The following SRBD1 variants were observed in gnomAD, a reference collection of about 807,000 sequenced individuals.
SRBD1 encodes S1 RNA binding domain 1, also known as S1 RNA-binding domain-containing protein 1.
A neutral mutation model predicts 115.3 loss-of-function variants in SRBD1; 88 were observed. That is an observed-to-expected ratio of 0.76 (90% CI 0.64 to 0.91). SRBD1 has a LOEUF of 0.91. Among genes scored for constraint, SRBD1 ranks in the 40% least tolerant of loss-of-function variants. The pLI is 0.00. For synonymous variants in SRBD1, 509 were observed against 407.7 expected (o/e 1.25, Z -2.99); for missense variants, 1,385 against 1,177.4 (o/e 1.18, Z -2.58).
At chr2:45,600,339 T>A (rs1312833320) in intron 3 of SRBD1, among the ~76,000 whole-genome samples, 1 of 152,202 alleles carries the variant, frequency 6.6e-6, no homozygotes, top group Non-Finnish European at 1.5e-5. Flanking sequence ...GTACATGGAA[T>A]TCTTCTATTA....
At chr2:45,432,015 T>TTATTTATG (rs1248946281) in intron 16 of SRBD1, among the ~76,000 whole-genome samples, 1 of 147,308 alleles carries the variant, frequency 6.8e-6, no homozygotes, top group East Asian at 1.9e-4. Context: ...ATTTATTTAT[T>TTATTTATG]TATTTATTTA....
At chr2:45,534,298 T>C (rs767354389) in intron 14 of SRBD1, among the ~76,000 whole-genome samples, 8 of 152,122 alleles carry the variant, frequency 5.3e-5, no homozygotes, top group Middle Eastern at 3.4e-3. Context: ...ATAAATTGTA[T>C]TGACTGTAAA....
Position 45,388,978 on chromosome 2 carries a change from G to T in SRBD1, c.*332C>A. On this transcript the variant is annotated 3_prime_UTR_variant, in exon 21 of 21. Coordinates refer to ENST00000263736, the MANE Select transcript of SRBD1 (RefSeq NM_018079.5). ...TACAAGTCCAGCAAGGCAGATGTTG[G>T]CAAGTAGAAGTTAAGCAATCTGTTA... The T allele has an allele frequency of 4.4e-6, 1 of 227,832 alleles. No homozygotes were observed. The highest frequency in any genetic ancestry group is 8.6e-6 in the Non-Finnish European group (1 of 115,836). The allele number at this position is 227,832 out of a possible 1,614,324, so 14.1% of individuals were successfully genotyped here.
intron 16 of SRBD1, among the ~76,000 whole-genome samples, chr2:45,445,342 A>T (rs1668788510): frequency 6.6e-6 from 1 of 152,006 alleles, no homozygotes; most frequent in African/African-American, 2.4e-5. Flanking sequence ...CTTTTTACCC[A>T]TTCATCTCTA....
intron 16 of SRBD1, among the ~76,000 whole-genome samples, chr2:45,469,489 CA>C (rs1186013421): frequency 5.3e-5 from 8 of 152,090 alleles, no homozygotes; most frequent in African/African-American, 1.7e-4. Flanking sequence ...AAAGGTTCTT[CA>C]AATCATGCTA....
At chr2:45,541,245 G>A (rs1671925442) in intron 14 of SRBD1, among the ~76,000 whole-genome samples, 1 of 152,224 alleles carries the variant, frequency 6.6e-6, no homozygotes, top group African/African-American at 2.4e-5. Context: ...ATCTGGACGA[G>A]GGGAACACAG....
chr2:45,424,447 T>C (rs1308534946), intron 16 of SRBD1, among the ~76,000 whole-genome samples: 2 of 152,148 alleles, frequency 1.3e-5, no homozygotes, highest in Admixed American at 6.5e-5. Flanking sequence ...CCATGTACTA[T>C]ATATGCTCAT....
chr2:45,451,212 T>C (rs1668982287), intron 16 of SRBD1, among the ~76,000 whole-genome samples: 1 of 152,108 alleles, frequency 6.6e-6, no homozygotes, highest in Non-Finnish European at 1.5e-5. Flanking sequence ...CTATTTTTTT[T>C]AATTGCACTT....
intron 16 of SRBD1, among the ~76,000 whole-genome samples, chr2:45,471,927 GA>G (rs1157536200): frequency 1.3e-5 from 2 of 152,156 alleles, no homozygotes; most frequent in East Asian, 3.9e-4. Flanking sequence ...CCTAATTCAT[GA>G]CATGGCTTTA....
chr2:45,570,511 T>C (rs1672973096), intron 9 of SRBD1, among the ~76,000 whole-genome samples: 1 of 152,202 alleles, frequency 6.6e-6, no homozygotes, highest in Admixed American at 6.5e-5. Context: ...GTGACATCAC[T>C]GAAAATTGTG....
chr2:45,541,601 C>G (rs1450625768), intron 14 of SRBD1, among the ~76,000 whole-genome samples: 1 of 152,210 alleles, frequency 6.6e-6, no homozygotes, highest in Non-Finnish European at 1.5e-5. Flanking sequence ...GCAGGTTGTC[C>G]CAATGAGTGT....
chr2:45,501,549 G>C (rs1047824943), intron 14 of SRBD1, among the ~76,000 whole-genome samples: 2 of 152,184 alleles, frequency 1.3e-5, no homozygotes, highest in African/African-American at 4.8e-5. Flanking sequence ...GCCAAGGGAA[G>C]CTGTGACAGA....
At chr2:45,403,999 C>T (rs974400189) in intron 19 of SRBD1, among the ~76,000 whole-genome samples, 3 of 152,134 alleles carry the variant, frequency 2.0e-5, no homozygotes, top group Middle Eastern at 6.8e-3. Context: ...AGGTGATTTA[C>T]GCCCTCCAGG....
intron 14 of SRBD1, among the ~76,000 whole-genome samples, chr2:45,532,748 C>G (rs1671651286): frequency 6.7e-6 from 1 of 149,002 alleles, no homozygotes; most frequent in Non-Finnish European, 1.5e-5. Context: ...GTTAGGAGAG[C>G]ATAATACAAA....
At chr2:45,414,697 T>C (rs111206720) in intron 18 of SRBD1, among the ~76,000 whole-genome samples, 20,608 of 120,884 alleles carry the variant, frequency 0.17, 2,411 homozygotes, top group African/African-American at 0.29. Flanking sequence ...CACACACACA[T>C]AGTGTGTATA....
chr2:45,605,450 A>C lies in SRBD1; in HGVS notation c.1-9T>G, dbSNP rs1419882613. On this transcript the variant is annotated splice_polypyrimidine_tract_variant and intron_variant, in intron 1 of 20. Coordinates refer to ENST00000263736, the MANE Select transcript of SRBD1 (RefSeq NM_018079.5). ...CTTGGCAATGATGACATCTAGAAGA[A>C]ACAGAAAATAAAATCAGCAACACTT... 6.2e-7 allele frequency: 1 copy of C among 1,612,314 alleles called. No homozygotes were observed. The highest frequency in any genetic ancestry group is 1.1e-5 in the South Asian group (1 of 90,940).
chr2:45,561,069 T>C (rs1358393414), intron 10 of SRBD1, among the ~76,000 whole-genome samples: 2 of 152,108 alleles, frequency 1.3e-5, no homozygotes, highest in Non-Finnish European at 2.9e-5. Context: ...ATAGCACCTG[T>C]GTGCTCCAGC....
At chr2:45,405,100 G>A (rs1397127845) in intron 19 of SRBD1, among the ~76,000 whole-genome samples, 1 of 152,016 alleles carries the variant, frequency 6.6e-6, no homozygotes, top group Admixed American at 6.6e-5. Flanking sequence ...CTCTTTCCCT[G>A]TTTCCCACAA....
chr2:45,516,007 G>A (rs1671107685), intron 14 of SRBD1, among the ~76,000 whole-genome samples: 1 of 152,068 alleles, frequency 6.6e-6, no homozygotes, highest in African/African-American at 2.4e-5. Context: ...TGTTACCTAT[G>A]TTTTTCTTCC....
Sources: allele counts gnomAD v4.1 joint callset (sites outside exome capture counted in the v4.1 genomes callset), GRCh38; gene constraint gnomAD v4.1.1; transcripts MANE v1.5; gene names NCBI Gene and HGNC (gene_info 2026-07-23, HGNC 2026-07-21).